The following ECT2 variants were observed in gnomAD, a reference collection of about 807,000 sequenced individuals.
ECT2 encodes epithelial cell transforming 2, also known as protein ECT2.
In ECT2, 61 loss-of-function variants were observed where a neutral mutation model predicts 116.9. The observed-to-expected ratio is 0.52, with a 90% CI of 0.42 to 0.65. The LOEUF (loss-of-function observed/expected upper bound fraction) is 0.65, where lower values mean the gene tolerates loss of function less well. ECT2 is among the 30% of genes least tolerant of loss of function. The pLI is 0.00. For missense variants in ECT2, 937 were observed against 1,078.7 expected (o/e 0.87, Z 1.84); for synonymous variants, 358 against 346.4 (o/e 1.03, Z -0.37).
intron 5 of ECT2, among the ~76,000 whole-genome samples, 197 bp from the exon 6 acceptor site, chr3:172,758,783 G>A (rs1306171378): frequency 2.6e-5 from 4 of 152,112 alleles, no homozygotes; most frequent in Non-Finnish European, 4.4e-5. Context: ...TTAAGGAATC[G>A]GGAAATATTT....
intron 24 of ECT2, among the ~76,000 whole-genome samples, chr3:172,817,874 A>G (rs1319291809): frequency 1.3e-5 from 2 of 152,116 alleles, no homozygotes; most frequent in African/African-American, 2.4e-5. Context: ...GATTAAGAGC[A>G]TGGACTCTGG....
At chr3:172,829,163 T>G in the ECT2 span, 3 of 519,394 alleles carry the variant, frequency 5.8e-6, no homozygotes, top group South Asian at 6.1e-5. Context: ...AGTGCCCCAG[T>G]GGTCTGCATT....
downstream of ECT2, among the ~76,000 whole-genome samples, chr3:172,824,751 C>G (rs999222547): frequency 6.6e-6 from 1 of 152,184 alleles, no homozygotes; most frequent in African/African-American, 2.4e-5. Flanking sequence ...GAGTACTCCA[C>G]TGTGTGAGTG....
chr3:172,796,215 A>G (rs944615340), intron 18 of ECT2, among the ~76,000 whole-genome samples: 1 of 152,236 alleles, frequency 6.6e-6, no homozygotes, highest in Non-Finnish European at 1.5e-5. Flanking sequence ...TAAACAAGTC[A>G]AAGAGGGTTT....
intron 7 of ECT2, 142 bp downstream of exon 7, chr3:172,760,405 T>G (rs1718011216): frequency 2.0e-6 from 1 of 498,520 alleles, no homozygotes; most frequent in East Asian, 3.4e-5. Flanking sequence ...AGTAAAAAAT[T>G]TTAAATCATA....
intron 14 of ECT2, among the ~76,000 whole-genome samples, chr3:172,775,869 A>G (rs2108560395): frequency 6.6e-6 from 1 of 152,094 alleles, no homozygotes; most frequent in East Asian, 1.9e-4. Context: ...CCTGACCTCA[A>G]GTGATCCGCC....
In ECT2 at chr3:172,757,385, A is replaced by G. The variant is rs114993723; in HGVS notation, c.486+220A>G. Among the ~76,000 whole-genome samples the G allele has an allele frequency of 0.02, 3,085 of 150,782 alleles. 107 individuals carry two copies. Among genetic ancestry groups the G allele is most frequent in the African/African-American group, 0.071 (2,900 of 41,050 alleles). Reference sequence around the variant, plus strand: ...GAAAGTTAAATAATGATAACTGTACATATGCATATACACAGACAAATACAT... The same window carrying G: ...GAAAGTTAAATAATGATAACTGTACGTATGCATATACACAGACAAATACAT... On this transcript the variant is annotated intron_variant, in intron 5 of 24. Coordinates refer to ENST00000392692, the MANE Select transcript of ECT2 (RefSeq NM_001258315.2).
At chr3:172,773,012 T>C (rs1290215423) in intron 13 of ECT2, among the ~76,000 whole-genome samples, 5 of 152,210 alleles carry the variant, frequency 3.3e-5, no homozygotes, top group Non-Finnish European at 7.3e-5. Context: ...ACCACAGCTT[T>C]GTAGTAAGAA....
intron 15 of ECT2, among the ~76,000 whole-genome samples, chr3:172,783,307 G>T (rs1441589205): frequency 1.3e-5 from 2 of 152,198 alleles, no homozygotes; most frequent in East Asian, 3.9e-4. Context: ...GTTTGGTTGA[G>T]AATTAAAAAT....
intron 18 of ECT2, among the ~76,000 whole-genome samples, chr3:172,795,703 T>G (rs914068524): frequency 6.6e-6 from 1 of 152,184 alleles, no homozygotes; most frequent in African/African-American, 2.4e-5. Flanking sequence ...TAACTGTAAA[T>G]GGGATAAACA....
At chr3:172,767,486 TA>T (rs1225657449) in intron 12 of ECT2, among the ~76,000 whole-genome samples, 1 of 152,186 alleles carries the variant, frequency 6.6e-6, no homozygotes, top group Non-Finnish European at 1.5e-5. Context: ...TGTTTTCATA[TA>T]AAAGCATTTA....
intron 1 of ECT2, 55 bp from the exon 2 acceptor site, chr3:172,754,454 T>TA: frequency 3.8e-6 from 5 of 1,314,150 alleles, no homozygotes; most frequent in Middle Eastern, 2.4e-4. Context: ...CTCTAATACT[T>TA]ACTTTTGCCC....
chr3:172,771,813 A>G (rs1351772805), intron 13 of ECT2, among the ~76,000 whole-genome samples: 1 of 152,214 alleles, frequency 6.6e-6, no homozygotes. Flanking sequence ...ATAAGAGGAT[A>G]GATTTGAGAA....
In ECT2 at chr3:172,756,919, G is replaced by C; in HGVS notation, c.304-64G>C. On this transcript the variant is annotated intron_variant, in intron 4 of 24. Transcript: ENST00000392692. ...TGAATTGATTGTTAAGCCTTATTTA[G>C]AGAGACAGATGGATTATTTGATATA... 4 of 1,370,740 alleles carry C rather than the reference G, an allele frequency of 2.9e-6. No individual in the cohort carries two copies. In the South Asian group the frequency reaches 4.1e-5, roughly 14 times the overall value. 84.9% of individuals were successfully genotyped at this position (1,370,740 alleles called of 1,614,324 possible). A position where few individuals can be genotyped will look rare whatever the true frequency, so the allele number is the denominator to read the frequency against.
intron 13 of ECT2, among the ~76,000 whole-genome samples, chr3:172,770,888 A>T (rs1720500828): frequency 6.6e-6 from 1 of 152,134 alleles, no homozygotes; most frequent in Non-Finnish European, 1.5e-5. Flanking sequence ...TAATTACCAA[A>T]TGGAAGGTAT....
chr3:172,792,534 A>G (rs998489877), intron 18 of ECT2, among the ~76,000 whole-genome samples: 16 of 147,666 alleles, frequency 1.1e-4, no homozygotes, highest in Non-Finnish European at 9.0e-5. Context: ...TTTATTTTCC[A>G]TTGTATGGCT....
intron 17 of ECT2, among the ~76,000 whole-genome samples, chr3:172,785,202 C>T (rs531039627): frequency 4.8e-4 from 73 of 152,122 alleles, no homozygotes; most frequent in Middle Eastern, 3.4e-3. Flanking sequence ...TGGCTTTATG[C>T]TTACTGTTTT....
downstream of ECT2, among the ~76,000 whole-genome samples, chr3:172,822,017 A>G (rs1313531586): frequency 1.3e-5 from 2 of 151,304 alleles, no homozygotes; most frequent in East Asian, 3.8e-4. Context: ...TGTATCATGC[A>G]TGGATATTAA....
chr3:172,781,914 A>G (rs1027956209), intron 14 of ECT2, among the ~76,000 whole-genome samples: 1 of 152,218 alleles, frequency 6.6e-6, no homozygotes, highest in African/African-American at 2.4e-5. Flanking sequence ...TTGAGTTATC[A>G]CATCATATTG....
Sources: gnomAD v4.1 joint callset for allele counts (sites outside exome capture counted in the v4.1 genomes callset) on GRCh38, gnomAD v4.1.1 for gene constraint, MANE v1.5 for transcripts, NCBI Gene and HGNC (gene_info 2026-07-23, HGNC 2026-07-21) for gene names.